SAMD12: variants seen among roughly 807,000 people sequenced by gnomAD.
SAMD12 encodes the protein sterile alpha motif domain containing 12.
SAMD12 carries 9 observed loss-of-function variants against 15.0 expected under a neutral mutation model. The observed-to-expected ratio is 0.60, with a 90% CI of 0.36 to 1.05. The LOEUF (loss-of-function observed/expected upper bound fraction) is 1.05, where lower values mean the gene tolerates loss of function less well. Among genes scored for constraint, SAMD12 ranks in the 50% least tolerant of loss-of-function variants. The probability of loss-of-function intolerance (pLI) is 0.01; values close to 1 mark genes in which losing one functional copy is unlikely to be tolerated. For synonymous variants in SAMD12, 86 were observed against 90.1 expected (o/e 0.96, Z 0.25); for missense variants, 230 against 234.2 (o/e 0.98, Z 0.12).
At chr8:118,426,020 C>T (rs967038705) in intron 3 of SAMD12, among the ~76,000 whole-genome samples, 2 of 152,136 alleles carry the variant, frequency 1.3e-5, no homozygotes, top group African/African-American at 4.8e-5. Flanking sequence ...AAAAAGGAGA[C>T]AGAAGGAGGT....
chr8:118,605,157 C>A (rs886119916), intron 1 of SAMD12, among the ~76,000 whole-genome samples: 4 of 152,050 alleles, frequency 2.6e-5, no homozygotes, highest in African/African-American at 9.7e-5. Context: ...AAGTCTCTAG[C>A]CTTGACAACG....
intron 1 of SAMD12, among the ~76,000 whole-genome samples, chr8:118,592,867 T>C (rs1172829299): frequency 6.6e-6 from 1 of 151,864 alleles, no homozygotes; most frequent in Middle Eastern, 3.2e-3. Flanking sequence ...GTTCTGGAAA[T>C]AAAAACAAAA....
downstream of SAMD12, among the ~76,000 whole-genome samples, chr8:118,373,731 T>G (rs919633860): frequency 2.0e-5 from 3 of 152,200 alleles, no homozygotes; most frequent in Non-Finnish European, 4.4e-5. Flanking sequence ...TGGTAGCATC[T>G]ACTACTCACA....
chr8:118,484,404 G>T (rs760893718), intron 2 of SAMD12, among the ~76,000 whole-genome samples: 16 of 152,002 alleles, frequency 1.1e-4, no homozygotes, highest in Non-Finnish European at 2.1e-4. Flanking sequence ...TTAAAAATTT[G>T]TTAAGAGGGC....
chr8:118,537,312 T>C (rs1825871300), intron 2 of SAMD12, among the ~76,000 whole-genome samples: 1 of 152,192 alleles, frequency 6.6e-6, no homozygotes, highest in Non-Finnish European at 1.5e-5. Flanking sequence ...AATATTGATA[T>C]CTTTCTCTAG....
the SAMD12 span, among the ~76,000 whole-genome samples, chr8:118,170,665 AC>A: frequency 2.0e-5 from 3 of 152,200 alleles, no homozygotes; most frequent in Middle Eastern, 3.2e-3. Flanking sequence ...CTTAAATCAT[AC>A]ACAAAAATTA....
At position 118,477,285 on chromosome 8, in the gene SAMD12, C is replaced by T. The variant is rs546060300; in HGVS notation, c.193-37324G>A. On this transcript the variant is annotated intron_variant, in intron 2 of 3. Transcript: ENST00000314727. ...TTTGCCATGTTGGCCAGGCTGGTCT[C>T]GAACTCCTGACCTCAAGTGATCCGC... 2.6e-5 allele frequency among the ~76,000 whole-genome samples: 4 copies of T among 152,176 alleles called. No homozygotes were observed. The South Asian group carries it at 6.2e-4, about 24-fold the overall frequency.
intron 2 of SAMD12, among the ~76,000 whole-genome samples, chr8:118,458,358 G>A (rs931075383): frequency 9.2e-5 from 14 of 151,968 alleles, no homozygotes; most frequent in Non-Finnish European, 1.6e-4. Context: ...CTATTCTGGG[G>A]TCTAATTTTG....
At chr8:118,265,477 A>G (rs1813176138) in intron 4 of SAMD12, among the ~76,000 whole-genome samples, 1 of 152,144 alleles carries the variant, frequency 6.6e-6, no homozygotes, top group African/African-American at 2.4e-5. Context: ...GGTGAATACA[A>G]GCACAGACAC....
In SAMD12 at chr8:118,378,665, C is replaced by T; in HGVS notation, c.*752G>A. 1.0e-6 allele frequency: 1 copy of T among 984,680 alleles called. No homozygotes were observed. The allele number at this position is 984,680 out of a possible 1,614,324, so 61.0% of individuals were successfully genotyped here. The stretch of plus-strand genomic sequence containing the variant: ...TCTGCAGAATGACAAATACTCAAGG[C>T]TCTCAAAAACACATATTTTATCATC... On this transcript the variant is annotated 3_prime_UTR_variant, in exon 4 of 4. Coordinates refer to ENST00000314727, the MANE Select transcript of SAMD12 (RefSeq NM_207506.3).
intron 2 of SAMD12, among the ~76,000 whole-genome samples, chr8:118,509,734 A>G (rs970679924): frequency 1.3e-5 from 2 of 152,206 alleles, no homozygotes; most frequent in South Asian, 2.1e-4. Context: ...AGTTGTCTCA[A>G]CATTTACACA....
At chr8:118,534,397 T>C (rs1238106861) in intron 2 of SAMD12, among the ~76,000 whole-genome samples, 2 of 152,174 alleles carry the variant, frequency 1.3e-5, no homozygotes, top group Non-Finnish European at 2.9e-5. Context: ...ATTTCAACTT[T>C]GGTGAATCTG....
At chr8:118,170,373 G>C in the SAMD12 span, among the ~76,000 whole-genome samples, 2 of 152,152 alleles carry the variant, frequency 1.3e-5, no homozygotes, top group Non-Finnish European at 2.9e-5. Flanking sequence ...TGATCTTTAA[G>C]AGGTCATACT....
chr8:118,520,412 C>A (rs900128285), intron 2 of SAMD12, among the ~76,000 whole-genome samples: 1 of 152,104 alleles, frequency 6.6e-6, no homozygotes, highest in Admixed American at 6.5e-5. Context: ...TTACTTCTGT[C>A]AGGGGAAAAA....
At chr8:118,609,604 C>A (rs895205026) in intron 1 of SAMD12, among the ~76,000 whole-genome samples, 6 of 152,160 alleles carry the variant, frequency 3.9e-5, no homozygotes, top group Non-Finnish European at 7.4e-5. Flanking sequence ...ACTAAACAAT[C>A]CAAAATCATA....
chr8:118,443,815 C>T (rs1004160108), intron 2 of SAMD12, among the ~76,000 whole-genome samples: 1 of 152,188 alleles, frequency 6.6e-6, no homozygotes, highest in African/African-American at 2.4e-5. Context: ...TCAACATTTC[C>T]TCCATCCCCA....
intron 4 of SAMD12, among the ~76,000 whole-genome samples, chr8:118,273,815 G>A (rs985918298): frequency 2.0e-5 from 3 of 152,156 alleles, no homozygotes; most frequent in East Asian, 1.9e-4. Flanking sequence ...AATGTATCCT[G>A]TGGAAATAGC....
At chr8:118,510,541 C>T (rs1228874522) in intron 2 of SAMD12, among the ~76,000 whole-genome samples, 1 of 152,144 alleles carries the variant, frequency 6.6e-6, no homozygotes, top group Non-Finnish European at 1.5e-5. Context: ...AAGGGTTTGG[C>T]AACACAATTC....
the SAMD12 span, among the ~76,000 whole-genome samples, chr8:118,168,229 CTT>C: frequency 1.3e-5 from 2 of 152,172 alleles, no homozygotes; most frequent in Admixed American, 6.5e-5. Context: ...CACAATGGCT[CTT>C]TTACCCTCTG....
Sources: allele counts gnomAD v4.1 joint callset (sites outside exome capture counted in the v4.1 genomes callset), GRCh38; gene constraint gnomAD v4.1.1; transcripts MANE v1.5; gene names NCBI Gene and HGNC (gene_info 2026-07-23, HGNC 2026-07-21).